The following EPS15 variants were observed in gnomAD, a reference collection of about 807,000 sequenced individuals.
The protein encoded by EPS15 is epidermal growth factor receptor pathway substrate 15, also known as epidermal growth factor receptor substrate 15.
A neutral mutation model predicts 113.8 loss-of-function variants in EPS15; 72 were observed. The ratio of observed to expected loss-of-function variants is 0.63; its 90% CI spans 0.52 to 0.77. EPS15 has a LOEUF of 0.77. EPS15 is among the 30% of genes least tolerant of loss of function. The probability of loss-of-function intolerance (pLI) is 0.00; values close to 1 mark genes in which losing one functional copy is unlikely to be tolerated. For synonymous variants in EPS15, 344 were observed against 363.4 expected (o/e 0.95, Z 0.61); for missense variants, 1,048 against 1,045.8 (o/e 1.00, Z -0.03).
intron 24 of EPS15, among the ~76,000 whole-genome samples, chr1:51,357,352 G>A (rs184315993): frequency 7.8e-6 from 1 of 128,496 alleles, no homozygotes; most frequent in East Asian, 2.2e-4. Flanking sequence ...ACTCCAGCCT[G>A]GGTGACAAAG....
intron 1 of EPS15, among the ~76,000 whole-genome samples, chr1:51,509,517 A>T (rs1435361936): frequency 6.6e-6 from 1 of 152,242 alleles, no homozygotes; most frequent in Admixed American, 6.5e-5. Flanking sequence ...TAATGGTTCC[A>T]GGTTTTAGTC....
At chr1:51,497,470 T>C (rs1644343717) in intron 1 of EPS15, among the ~76,000 whole-genome samples, 2 of 152,202 alleles carry the variant, frequency 1.3e-5, no homozygotes, top group African/African-American at 2.4e-5. Flanking sequence ...CTCGAAATGA[T>C]ACATGGATAT....
chr1:51,372,046 C>G (rs1646669152), intron 21 of EPS15, among the ~76,000 whole-genome samples: 3 of 152,208 alleles, frequency 2.0e-5, no homozygotes, highest in Non-Finnish European at 4.4e-5. Flanking sequence ...TAAGCTACAC[C>G]ATCCAGGTTG....
At chr1:51,381,320 C>T (rs528672125) in intron 21 of EPS15, among the ~76,000 whole-genome samples, 19 of 152,214 alleles carry the variant, frequency 1.2e-4, no homozygotes, top group East Asian at 3.9e-4. Flanking sequence ...CAGCCAGGTG[C>T]GGTGGCTCAT....
intron 8 of EPS15, among the ~76,000 whole-genome samples, chr1:51,454,848 G>A (rs181541231): frequency 1.3e-5 from 2 of 152,058 alleles, no homozygotes; most frequent in East Asian, 3.9e-4. Flanking sequence ...TGGTAAAAAG[G>A]GAAAACAGCG....
At chr1:51,455,621 T>C (rs1653938324) in intron 8 of EPS15, among the ~76,000 whole-genome samples, 1 of 152,042 alleles carries the variant, frequency 6.6e-6, no homozygotes, top group African/African-American at 2.4e-5. Context: ...TTTGCTCCTT[T>C]TACAAAATGT....
rs759321260 is a variant in EPS15, at chr1:51,363,929, C to T, written c.2296G>A (p.Asp766Asn). ...TTTGGTGGCAGTGCTGGGGGTTCAT[C>T]TTCACTTTTGACCGATGTTTCCTCA... is the stretch of plus-strand genomic sequence containing the variant. Reference protein sequence around the residue: ...VFEETSVKSEDEPPALPPKIG... With the variant: ...VFEETSVKSENEPPALPPKIG... Residue 766 changes from aspartate (D) to asparagine (N), a missense_variant, in exon 23 of 25, where the codon GAT (aspartate) becomes AAT (asparagine). Transcript: ENST00000371733. 9 of 1,613,858 alleles carry T rather than the reference C, an allele frequency of 5.6e-6. No individual in the cohort carries two copies. The highest frequency in any genetic ancestry group is 6.8e-6 in the Non-Finnish European group (8 of 1,179,936).
chr1:51,410,298 G>A (rs1649583699), intron 13 of EPS15, among the ~76,000 whole-genome samples: 2 of 151,866 alleles, frequency 1.3e-5, no homozygotes, highest in African/African-American at 4.8e-5. Context: ...GGCTGAGATG[G>A]GAGGATCTCT....
At chr1:51,457,818 T>C (rs541362664) in intron 8 of EPS15, 2 of 152,244 alleles carry the variant, frequency 1.3e-5, no homozygotes, top group South Asian at 2.1e-4. Context: ...GTATTAACTA[T>C]ATTAATGAAA....
chr1:51,445,090 C>A, intron 10 of EPS15, 45 bp from the exon 11 acceptor site: 1 of 1,540,156 alleles, frequency 6.5e-7, no homozygotes, highest in South Asian at 1.2e-5. Context: ...GCCACAACTG[C>A]AAAAAGTCCA....
intron 12 of EPS15, chr1:51,422,184 G>T: frequency 2.3e-6 from 1 of 443,518 alleles, no homozygotes; most frequent in Non-Finnish European, 3.2e-6. Flanking sequence ...AATGAAAATT[G>T]CTGGTAAAGA....
chr1:51,361,260 C>G lies in EPS15; in HGVS notation c.2455G>C (p.Asp819His). ...FPGNDSPKEK[D>H]PEIFCDPFTS... Reference sequence around the variant, plus strand: ...AATGGATCACAAAATATTTCAGGATCTTTTTCTTTGGGGCTATCGTTGCCT... The same window carrying G: ...AATGGATCACAAAATATTTCAGGATGTTTTTCTTTGGGGCTATCGTTGCCT... The change falls in exon 24 of 25, where the codon GAT becomes CAT. Residue 819 changes from aspartate (D) to histidine (H), a missense_variant. Transcript: ENST00000371733. 1 of 1,613,824 alleles carries G rather than the reference C, an allele frequency of 6.2e-7. No homozygotes were observed. The highest frequency in any genetic ancestry group is 2.2e-5 in the East Asian group (1 of 44,854).
intron 1 of EPS15, among the ~76,000 whole-genome samples, chr1:51,495,971 G>C (rs1468461759): frequency 6.6e-6 from 1 of 152,146 alleles, no homozygotes; most frequent in Admixed American, 6.5e-5. Flanking sequence ...ATCAAATGTT[G>C]CTTTTTAAAA....
intron 1 of EPS15, among the ~76,000 whole-genome samples, chr1:51,505,991 A>G (rs1644493534): frequency 6.6e-6 from 1 of 152,066 alleles, no homozygotes; most frequent in Non-Finnish European, 1.5e-5. Flanking sequence ...GGTTCAAGCA[A>G]TTCTCCTGCC....
At chr1:51,470,226 C>G (rs1655137800) in intron 4 of EPS15, among the ~76,000 whole-genome samples, 3 of 152,164 alleles carry the variant, frequency 2.0e-5, no homozygotes, top group African/African-American at 4.8e-5. Context: ...GGGCTAATAC[C>G]TACCTTGCAA....
At chr1:51,386,731 G>C (rs908508860) in intron 21 of EPS15, among the ~76,000 whole-genome samples, 1 of 152,166 alleles carries the variant, frequency 6.6e-6, no homozygotes, top group African/African-American at 2.4e-5. Context: ...GATGGAAGAT[G>C]AAATGAATGA....
At chr1:51,361,069 T>C in intron 24 of EPS15, 102 bp downstream of exon 24, 1 of 844,536 alleles carries the variant, frequency 1.2e-6, no homozygotes, top group East Asian at 2.5e-5. Flanking sequence ...TTTAGTATCT[T>C]GGTAAATTTA....
intron 6 of EPS15, among the ~76,000 whole-genome samples, chr1:51,464,293 G>A (rs1286298241): frequency 1.3e-5 from 2 of 149,150 alleles, no homozygotes; most frequent in African/African-American, 2.5e-5. Flanking sequence ...AGGCTGGAGT[G>A]CAGTGGCACA....
At chr1:51,370,498 A>G (rs1646620586) in intron 21 of EPS15, among the ~76,000 whole-genome samples, 1 of 151,888 alleles carries the variant, frequency 6.6e-6, no homozygotes, top group Admixed American at 6.6e-5. Flanking sequence ...CAAATTTTAG[A>G]TTTTTCAGAC....
Sources: gnomAD v4.1 joint callset for allele counts (sites outside exome capture counted in the v4.1 genomes callset) on GRCh38, gnomAD v4.1.1 for gene constraint, MANE v1.5 for transcripts, NCBI Gene and HGNC (gene_info 2026-07-23, HGNC 2026-07-21) for gene names.